The following CRCP variants were observed in gnomAD, a reference collection of about 807,000 sequenced individuals.
CRCP encodes the protein DNA-directed RNA polymerase III subunit RPC9.
CRCP carries 18 observed loss-of-function variants against 18.5 expected under a neutral mutation model. The observed-to-expected ratio is 0.97, with a 90% CI of 0.67 to 1.44. The LOEUF (loss-of-function observed/expected upper bound fraction) is 1.44. CRCP is among the 40% of genes most tolerant of loss of function. The pLI is 0.00. For synonymous variants in CRCP, 53 were observed against 62.9 expected (o/e 0.84, Z 0.75); for missense variants, 130 against 176.4 (o/e 0.74, Z 1.49).
chr7:66,143,981 A>G (rs1033992303), intron 4 of CRCP, among the ~76,000 whole-genome samples: 3 of 152,162 alleles, frequency 2.0e-5, no homozygotes, highest in African/African-American at 7.2e-5. Flanking sequence ...GCTTCCCCCA[A>G]CACATGGCTG....
At chr7:66,121,081 CT>C (rs1213517811) in intron 1 of CRCP, among the ~76,000 whole-genome samples, 11 of 147,342 alleles carry the variant, frequency 7.5e-5, no homozygotes, top group South Asian at 2.2e-4. Context: ...GAAATTTCTT[CT>C]TTTTTTTTTG....
rs146245205 is a variant in CRCP at position 66,142,360 on chromosome 7, T to C, written c.240-3083T>C. Reference sequence around the variant, plus strand: ...CCTCCTTCGGCTGGAGCTGCTTTTTTACTTCTGTGTTATCAAGAGGTTCGT... The same window carrying C: ...CCTCCTTCGGCTGGAGCTGCTTTTTCACTTCTGTGTTATCAAGAGGTTCGT... On this transcript the variant is annotated intron_variant, in intron 4 of 5. Transcript: ENST00000395326. Among the ~76,000 whole-genome samples, 196 of 152,324 alleles carry C rather than the reference T, an allele frequency of 1.3e-3. 1 individual carries two copies. The highest frequency in any genetic ancestry group is 4.6e-3 in the African/African-American group (191 of 41,576).
Position 66,124,871 on chromosome 7 carries a change from A to T in CRCP, c.9-2833A>T, listed in dbSNP as rs146365751. Among the ~76,000 whole-genome samples, 251 of 149,446 alleles carry T rather than the reference A, an allele frequency of 1.7e-3. 27 individuals carry two copies. Among genetic ancestry groups the T allele is most frequent in the Non-Finnish European group, 2.2e-3 (145 of 66,752 alleles). On this transcript the variant is annotated intron_variant, in intron 1 of 5. Coordinates refer to ENST00000395326, the MANE Select transcript of CRCP (RefSeq NM_014478.5). Reference sequence around the variant, plus strand: ...GCGATGATAATCTACTATTATTAAGATACAATGTAAACTCACATTTCTTCA... The same window carrying T: ...GCGATGATAATCTACTATTATTAAGTTACAATGTAAACTCACATTTCTTCA...
chr7:66,134,317 A>G lies in CRCP; in HGVS notation c.182A>G (p.Gln61Arg), dbSNP rs961468454. 1 of 1,609,606 alleles carries G rather than the reference A, an allele frequency of 6.2e-7. No individual in the cohort carries two copies. The highest frequency in any genetic ancestry group is 1.3e-5 in the African/African-American group (1 of 74,182). Residue 61 changes from glutamine to arginine, a missense_variant, in exon 4 of 6, where the codon CAG becomes CGG. Physicochemically the swap from Gln to Arg is conservative, Grantham distance 43 (BLOSUM62 1). Transcript: ENST00000395326. Reference protein sequence around the residue: ...KYISKTPCRHQSPEIVREFLT... With the variant: ...KYISKTPCRHRSPEIVREFLT... ...ATATCAAAAACACCATGCAGGCACCAGAGTCCTGAAATTGTCAGAGAATTT... is the reference window on the plus strand; with the variant it reads ...ATATCAAAAACACCATGCAGGCACCGGAGTCCTGAAATTGTCAGAGAATTT...
At chr7:66,119,895 A>C (rs925682492) in intron 1 of CRCP, among the ~76,000 whole-genome samples, 2 of 151,652 alleles carry the variant, frequency 1.3e-5, no homozygotes, top group African/African-American at 4.8e-5. Flanking sequence ...TTTTCTTAAA[A>C]TTTTTTTTTG....
chr7:66,125,274 G>A (rs926175267), intron 1 of CRCP, among the ~76,000 whole-genome samples: 6 of 149,066 alleles, frequency 4.0e-5, no homozygotes, highest in South Asian at 4.3e-4. Context: ...ACAACCTGTC[G>A]TTTAGTGGTG....
intron 1 of CRCP, chr7:66,119,682 T>C (rs1390846073): frequency 6.6e-6 from 1 of 152,210 alleles, no homozygotes; most frequent in Non-Finnish European, 1.5e-5. Context: ...GTCTTCTGTA[T>C]TGATTGTTGT....
chr7:66,134,672 A>G (rs555476007), intron 4 of CRCP, among the ~76,000 whole-genome samples: 1 of 152,256 alleles, frequency 6.6e-6, no homozygotes, highest in South Asian at 2.1e-4. Context: ...GGTGAGGGGA[A>G]ATGGAAATGC....
chr7:66,140,573 G>A (rs985670822), intron 4 of CRCP, among the ~76,000 whole-genome samples: 2 of 151,932 alleles, frequency 1.3e-5, no homozygotes, highest in Non-Finnish European at 2.9e-5. Context: ...TGTATTTTTA[G>A]TAGAGACGGG....
chr7:66,147,770 A>G (rs1788342161), intron 5 of CRCP, among the ~76,000 whole-genome samples: 2 of 152,116 alleles, frequency 1.3e-5, no homozygotes, highest in African/African-American at 2.4e-5. Context: ...TAAGAAATGA[A>G]AGCTGTGGCC....
At chr7:66,131,591 G>A (rs1192827498) in intron 3 of CRCP, among the ~76,000 whole-genome samples, 2 of 152,036 alleles carry the variant, frequency 1.3e-5, no homozygotes, top group Non-Finnish European at 1.5e-5. Context: ...GAACTTACAC[G>A]CTTAAGGCTA....
At chr7:66,135,608 A>G (rs1787948719) in intron 4 of CRCP, among the ~76,000 whole-genome samples, 1 of 152,186 alleles carries the variant, frequency 6.6e-6, no homozygotes, top group African/African-American at 2.4e-5. Context: ...GCCATGAGGA[A>G]CAAATCTTAA....
At chr7:66,119,716 GT>G (rs1290721485) in intron 1 of CRCP, 2 of 152,272 alleles carry the variant, frequency 1.3e-5, no homozygotes, top group African/African-American at 4.8e-5. Flanking sequence ...AGGAAAAACT[GT>G]TTGATTATCA....
rs542524859 is a variant in CRCP at position 66,132,972 on chromosome 7, G to C, written c.145-1308G>C. The stretch of plus-strand genomic sequence containing the variant: ...CTTACCAAGTTTAGCCCATATTCAA[G>C]GGGAAGCGGGGCGGGGGGATTAAGC... On this transcript the variant is annotated intron_variant, in intron 3 of 5. Transcript: ENST00000395326. Among the ~76,000 whole-genome samples, 28 of 152,154 alleles carry C rather than the reference G, an allele frequency of 1.8e-4. No homozygotes were observed. The South Asian group carries it at 5.6e-3, about 30-fold the overall frequency.
chr7:66,125,235 C>T (rs1388409343), intron 1 of CRCP, among the ~76,000 whole-genome samples: 1 of 149,158 alleles, frequency 6.7e-6, no homozygotes, highest in Non-Finnish European at 1.5e-5. Flanking sequence ...AAGTTGATGT[C>T]TGTCTGGTTT....
At chr7:66,143,910 G>A (rs1299952000) in intron 4 of CRCP, among the ~76,000 whole-genome samples, 2 of 152,206 alleles carry the variant, frequency 1.3e-5, no homozygotes, top group African/African-American at 4.8e-5. Context: ...GTTAAGTACT[G>A]TTATCATTCC....
At chr7:66,147,632 T>C (rs942617644) in intron 5 of CRCP, among the ~76,000 whole-genome samples, 4 of 152,198 alleles carry the variant, frequency 2.6e-5, no homozygotes, top group African/African-American at 9.6e-5. Flanking sequence ...TAGGCCTTGG[T>C]AGAAACTGCT....
intron 4 of CRCP, among the ~76,000 whole-genome samples, chr7:66,137,249 T>G (rs1787999562): frequency 6.6e-6 from 1 of 152,192 alleles, no homozygotes; most frequent in African/African-American, 2.4e-5. Context: ...TAAATGGTGC[T>G]CATTTCTAGT....
intron 3 of CRCP, 152 bp downstream of exon 3, chr7:66,130,994 A>G: frequency 1.7e-6 from 1 of 596,382 alleles, no homozygotes. Context: ...TTGTTTTTTG[A>G]CACAGAGTCT....
Sources: allele counts gnomAD v4.1 joint callset (sites outside exome capture counted in the v4.1 genomes callset), GRCh38; gene constraint gnomAD v4.1.1; transcripts MANE v1.5; gene names NCBI Gene and HGNC (gene_info 2026-07-23, HGNC 2026-07-21).